MCPH1: variants seen among roughly 807,000 people sequenced by gnomAD.
MCPH1 encodes the protein microcephalin.
MCPH1 carries 104 observed loss-of-function variants against 84.5 expected under a neutral mutation model. The observed-to-expected ratio is 1.23, with a 90% CI of 1.05 to 1.45. MCPH1 has a LOEUF of 1.45. MCPH1 is among the 40% of genes most tolerant of loss of function. The pLI is 0.00. For missense variants in MCPH1, 1,498 were observed against 1,005.7 expected (o/e 1.49, Z -6.62); for synonymous variants, 514 against 366.8 (o/e 1.40, Z -4.58).
intron 8 of MCPH1, chr8:6,446,347 T>G: frequency 2.0e-6 from 2 of 984,126 alleles, no homozygotes; most frequent in Non-Finnish European, 2.4e-6. Flanking sequence ...ACGCATTCTC[T>G]CTGCATGATT....
chr8:6,415,657 A>G (rs1251098635), intron 3 of MCPH1, among the ~76,000 whole-genome samples: 1 of 151,994 alleles, frequency 6.6e-6, no homozygotes, highest in Non-Finnish European at 1.5e-5. Context: ...CGCGGCCCAC[A>G]CAGTTTTGAT....
chr8:6,486,305 G>C (rs3020286), intron 11 of MCPH1, among the ~76,000 whole-genome samples: 1 of 145,156 alleles, frequency 6.9e-6, no homozygotes, highest in Non-Finnish European at 1.5e-5. Context: ...TGGCACTCTC[G>C]CTCTCTCGCT....
chr8:6,467,572 G>A (rs1257268173), intron 9 of MCPH1, among the ~76,000 whole-genome samples: 2 of 152,086 alleles, frequency 1.3e-5, no homozygotes, highest in Admixed American at 1.3e-4. Context: ...ACAGTTTACA[G>A]GGTTGAAGTT....
chr8:6,632,993 G>T (rs1342007934), intron 13 of MCPH1, among the ~76,000 whole-genome samples: 3 of 150,804 alleles, frequency 2.0e-5, no homozygotes, highest in Non-Finnish European at 4.4e-5. Context: ...TTAAAAAGCA[G>T]TAGGGAAGAT....
rs1265219947 is a variant in MCPH1 at position 6,496,097 on chromosome 8, A to G, written c.2137-3755A>G. On this transcript the variant is annotated intron_variant, in intron 11 of 13. Coordinates refer to ENST00000344683, the MANE Select transcript of MCPH1 (RefSeq NM_024596.5). The stretch of plus-strand genomic sequence containing the variant: ...TATTATTATTACATTGTAATATATA[A>G]TGAAGTAATTATACAACTCACTGTA... 3.3e-5 allele frequency among the ~76,000 whole-genome samples: 5 copies of G among 152,326 alleles called. No individual in the cohort carries two copies. In the South Asian group the frequency reaches 1.0e-3, roughly 32 times the overall value.
chr8:6,461,812 G>A (rs1806328724), intron 9 of MCPH1, among the ~76,000 whole-genome samples: 1 of 152,198 alleles, frequency 6.6e-6, no homozygotes, highest in Non-Finnish European at 1.5e-5. Flanking sequence ...AATATTGTCA[G>A]ACACAGAACC....
chr8:6,616,969 C>A (rs1257337305), intron 12 of MCPH1: 6 of 152,124 alleles, frequency 3.9e-5, no homozygotes, highest in South Asian at 4.1e-4. Flanking sequence ...TGCTTGCAGC[C>A]TTCATTGCTT....
chr8:6,544,613 C>G (rs1219110383), intron 12 of MCPH1, among the ~76,000 whole-genome samples: 1 of 151,986 alleles, frequency 6.6e-6, no homozygotes, highest in Admixed American at 6.6e-5. Context: ...GAGTAAGAAC[C>G]GACATGCACA....
At position 6,477,609 on chromosome 8, in the gene MCPH1, G is replaced by A. The variant is rs138218829; in HGVS notation, c.1951G>A (p.Val651Ile). The A allele has an allele frequency of 1.5e-4, 242 of 1,613,140 alleles. No homozygotes were observed. In the African/African-American group the frequency reaches 3.0e-3, roughly 20 times the overall value. Residue 651 changes from valine to isoleucine, a missense_variant, in exon 10 of 14, where the codon GTC becomes ATC. Val to Ile is a conservative substitution (Grantham distance 29). Transcript: ENST00000344683. ...GRGKKPTRTL[V>I]MTSMPSEKQN... ...AAATCTCTAGCCAACAAGAACATTA[G>A]TCATGACAAGCATGCCATCTGAGTA...
chr8:6,591,769 C>G (rs568155148), intron 12 of MCPH1, among the ~76,000 whole-genome samples: 7 of 152,256 alleles, frequency 4.6e-5, no homozygotes, highest in Admixed American at 2.6e-4. Context: ...CAAATTCCAC[C>G]AGGGACAACT....
chr8:6,548,773 AG>A (rs1823063461), intron 12 of MCPH1, among the ~76,000 whole-genome samples: 2 of 152,220 alleles, frequency 1.3e-5, no homozygotes, highest in African/African-American at 4.8e-5. Flanking sequence ...GAAAAAAAGA[AG>A]GTGCTATCAG....
intron 12 of MCPH1, among the ~76,000 whole-genome samples, chr8:6,522,755 C>A (rs112784249): frequency 0.072 from 10,706 of 149,542 alleles, 489 homozygotes; most frequent in African/African-American, 0.11. Context: ...GCCTGGGCAA[C>A]AGAGCGAGAC....
chr8:6,642,796 A>T, intron 13 of MCPH1, 198 bp from the exon 14 acceptor site: 1 of 639,762 alleles, frequency 1.6e-6, no homozygotes, highest in Admixed American at 2.2e-5. Context: ...CTGAGAACTG[A>T]ATGTTTCATT....
At chr8:6,483,831 G>A (rs1294871228) in intron 11 of MCPH1, among the ~76,000 whole-genome samples, 1 of 152,078 alleles carries the variant, frequency 6.6e-6, no homozygotes, top group African/African-American at 2.4e-5. Flanking sequence ...CTGCACTGCA[G>A]CCTGGGTGAC....
rs1450124298 is a variant in MCPH1 at position 6,444,950 on chromosome 8, T to A, written c.1228T>A (p.Ser410Thr). Residue 410 changes from serine (S) to threonine (T), a missense_variant, in exon 8 of 14, where the codon TCT becomes ACT. By Grantham distance (58) the Ser-to-Thr change is moderately conservative (BLOSUM62 1). Coordinates refer to ENST00000344683, the MANE Select transcript of MCPH1 (RefSeq NM_024596.5). ...PALEALSCGE[S>T]SYDDYFSPDN... ...CCTGGAGGCTCTTAGCTGTGGGGAGTCTTCATATGATGACTATTTTTCACC... is the reference window on the plus strand; with the variant it reads ...CCTGGAGGCTCTTAGCTGTGGGGAGACTTCATATGATGACTATTTTTCACC... The A allele has an allele frequency of 1.2e-6, 2 of 1,613,654 alleles. No individual in the cohort carries two copies. The highest frequency in any genetic ancestry group is 2.7e-5 in the African/African-American group (2 of 74,730).
intron 12 of MCPH1, among the ~76,000 whole-genome samples, chr8:6,529,562 G>A (rs1022947578): frequency 2.7e-5 from 4 of 147,304 alleles, no homozygotes; most frequent in Admixed American, 6.8e-5. Context: ...AGCACTTCTT[G>A]TAACCTCACT....
At chr8:6,525,851 T>C (rs1480129338) in intron 12 of MCPH1, among the ~76,000 whole-genome samples, 1 of 152,226 alleles carries the variant, frequency 6.6e-6, no homozygotes, top group African/African-American at 2.4e-5. Flanking sequence ...ACAGGCATAG[T>C]TGAAAGCCAA....
At chr8:6,533,898 C>G (rs952022993) in intron 12 of MCPH1, among the ~76,000 whole-genome samples, 9 of 152,134 alleles carry the variant, frequency 5.9e-5, no homozygotes, top group African/African-American at 2.2e-4. Flanking sequence ...TAGAGTTTCT[C>G]TCTTAGAGCT....
Position 6,644,005 on chromosome 8 carries a change from C to G in MCPH1, c.*956C>G, listed in dbSNP as rs780149507. 7.2e-5 allele frequency: 11 copies of G among 152,238 alleles called. No homozygotes were observed. Among genetic ancestry groups the G allele is most frequent in the Admixed American group, 7.2e-4 (11 of 15,276 alleles). 9.4% of individuals were successfully genotyped at this position (152,238 alleles called of 1,614,324 possible). ...GTGGCTCACACCTGTCATCCCAGCC[C>G]TTTGGGAGGCTGAGGTGGACAGATC... On this transcript the variant is annotated 3_prime_UTR_variant, in exon 14 of 14. Coordinates refer to ENST00000344683, the MANE Select transcript of MCPH1 (RefSeq NM_024596.5).
Sources: gnomAD v4.1 joint callset for allele counts (sites outside exome capture counted in the v4.1 genomes callset) on GRCh38, gnomAD v4.1.1 for gene constraint, MANE v1.5 for transcripts, NCBI Gene and HGNC (gene_info 2026-07-23, HGNC 2026-07-21) for gene names.